Variants in ZRANB3 observed in about 807,000 individuals in gnomAD.
ZRANB3 encodes zinc finger RANBP2-type containing 3.
A neutral mutation model predicts 133.8 loss-of-function variants in ZRANB3; 125 were observed. That is an observed-to-expected ratio of 0.93 (90% CI 0.81 to 1.08). The LOEUF (loss-of-function observed/expected upper bound fraction) is 1.08. ZRANB3 is among the 50% of genes least tolerant of loss of function. The probability of loss-of-function intolerance (pLI) is 0.00; values close to 1 mark genes in which losing one functional copy is unlikely to be tolerated. For missense variants in ZRANB3, 1,229 were observed against 1,275.5 expected (o/e 0.96, Z 0.56); for synonymous variants, 387 against 432.7 (o/e 0.89, Z 1.31).
chr2:135,390,931 GC>G (rs1687205137), intron 2 of ZRANB3, 111 bp from the exon 3 acceptor site: 1 of 1,120,714 alleles, frequency 8.9e-7, no homozygotes, highest in Non-Finnish European at 1.2e-6. Flanking sequence ...TGCGATCTCA[GC>G]TCACTGCAAC....
intron 12 of ZRANB3, among the ~76,000 whole-genome samples, chr2:135,232,163 G>C (rs1695054184): frequency 6.6e-6 from 1 of 152,212 alleles, no homozygotes; most frequent in African/African-American, 2.4e-5. Context: ...CTGGCTCAGA[G>C]GGTCCTACAC....
intron 12 of ZRANB3, among the ~76,000 whole-genome samples, chr2:135,245,204 A>C (rs1216604034): frequency 6.6e-6 from 1 of 152,202 alleles, no homozygotes; most frequent in African/African-American, 2.4e-5. Flanking sequence ...GGGCTGCCAT[A>C]AGCTGGAAGG....
At chr2:135,318,523 G>A (rs1683367731) in intron 6 of ZRANB3, among the ~76,000 whole-genome samples, 1 of 152,112 alleles carries the variant, frequency 6.6e-6, no homozygotes, top group Admixed American at 6.6e-5. Flanking sequence ...AAGTCTCAGA[G>A]TAATATGTTG....
intron 1 of ZRANB3, among the ~76,000 whole-genome samples, chr2:135,525,203 G>A (rs1694100735): frequency 2.0e-5 from 3 of 152,148 alleles, no homozygotes; most frequent in East Asian, 1.9e-4. Flanking sequence ...CTACACAAAA[G>A]AGACTAAACA....
intron 6 of ZRANB3, among the ~76,000 whole-genome samples, chr2:135,322,923 A>C (rs1012511046): frequency 6.6e-6 from 1 of 152,008 alleles, no homozygotes; most frequent in African/African-American, 2.4e-5. Flanking sequence ...AGGCTGAGAC[A>C]TGAGAATTGT....
chr2:135,515,901 G>A (rs1043193471), intron 1 of ZRANB3, among the ~76,000 whole-genome samples: 23 of 152,180 alleles, frequency 1.5e-4, no homozygotes, highest in Middle Eastern at 3.4e-3. Flanking sequence ...TACTATTATC[G>A]TATGGAAGTC....
intron 2 of ZRANB3, among the ~76,000 whole-genome samples, chr2:135,398,032 AT>A (rs1687573744): frequency 6.6e-6 from 1 of 152,026 alleles, no homozygotes; most frequent in Non-Finnish European, 1.5e-5. Context: ...CACGTTTTAC[AT>A]ACCTGTTCTT....
At chr2:135,318,386 G>C (rs1683361922) in intron 6 of ZRANB3, among the ~76,000 whole-genome samples, 1 of 151,988 alleles carries the variant, frequency 6.6e-6, no homozygotes, top group South Asian at 2.1e-4. Flanking sequence ...CCACTGTTTG[G>C]GGGATGGTTG....
chr2:135,397,601 T>A (rs1025157661), intron 2 of ZRANB3, among the ~76,000 whole-genome samples: 2 of 152,240 alleles, frequency 1.3e-5, no homozygotes, highest in Non-Finnish European at 2.9e-5. Flanking sequence ...TAAAACTTTT[T>A]AACCAGAAAT....
intron 2 of ZRANB3, among the ~76,000 whole-genome samples, chr2:135,411,316 G>C (rs905621930): frequency 2.6e-5 from 4 of 152,048 alleles, no homozygotes; most frequent in Admixed American, 6.6e-5. Flanking sequence ...TGAGGGGGGA[G>C]GTGAGTGTAA....
intron 2 of ZRANB3, among the ~76,000 whole-genome samples, chr2:135,448,921 C>G (rs1197403708): frequency 6.6e-6 from 1 of 152,130 alleles, no homozygotes; most frequent in Non-Finnish European, 1.5e-5. Flanking sequence ...TGACATTGAC[C>G]CTCATCCTAC....
At chr2:135,411,197 C>T (rs932777494) in intron 2 of ZRANB3, among the ~76,000 whole-genome samples, 11 of 152,012 alleles carry the variant, frequency 7.2e-5, no homozygotes, top group Admixed American at 2.6e-4. Flanking sequence ...CCTATCATGC[C>T]ACTGCACACC....
intron 9 of ZRANB3, among the ~76,000 whole-genome samples, chr2:135,274,024 A>G (rs1680666128): frequency 6.6e-6 from 1 of 152,126 alleles, no homozygotes. Context: ...TATTTAGGTT[A>G]ATTAACTCTT....
chr2:135,206,958 G>T (rs1693888886), intron 19 of ZRANB3, among the ~76,000 whole-genome samples: 1 of 151,822 alleles, frequency 6.6e-6, no homozygotes, highest in African/African-American at 2.4e-5. Context: ...TGAGGTCAGG[G>T]GTTCAAAACC....
intron 2 of ZRANB3, among the ~76,000 whole-genome samples, chr2:135,405,509 A>G (rs968745837): frequency 5.3e-5 from 8 of 152,162 alleles, no homozygotes; most frequent in Non-Finnish European, 1.0e-4. Flanking sequence ...CAAATGAACA[A>G]AATATACATT....
intron 1 of ZRANB3, among the ~76,000 whole-genome samples, chr2:135,505,848 C>A (rs1209321686): frequency 6.6e-6 from 1 of 151,986 alleles, no homozygotes; most frequent in Non-Finnish European, 1.5e-5. Flanking sequence ...TTCAGCTACA[C>A]CTGATCGAAT....
chr2:135,239,921 T>C (rs1234906394), intron 12 of ZRANB3, among the ~76,000 whole-genome samples: 1 of 150,398 alleles, frequency 6.6e-6, no homozygotes, highest in East Asian at 1.9e-4. Context: ...GAGGTGGAGG[T>C]TGCATGATCC....
intron 12 of ZRANB3, among the ~76,000 whole-genome samples, chr2:135,254,505 T>C (rs370466064): frequency 1.3e-5 from 2 of 152,162 alleles, no homozygotes; most frequent in East Asian, 1.9e-4. Flanking sequence ...CCCAGCTACT[T>C]GGGAGGCTGA....
At chr2:135,272,019 G>GTT in intron 9 of ZRANB3, 132 bp from the exon 10 acceptor site, 1 of 997,902 alleles carries the variant, frequency 1.0e-6, no homozygotes, top group Non-Finnish European at 1.4e-6. Context: ...ATTGGTAAAT[G>GTT]TTATACAAGA....
Sources: gnomAD v4.1 joint callset for allele counts (sites outside exome capture counted in the v4.1 genomes callset) on GRCh38, gnomAD v4.1.1 for gene constraint, MANE v1.5 for transcripts, NCBI Gene and HGNC (gene_info 2026-07-23, HGNC 2026-07-21) for gene names.